Variants in LPAR3 observed in about 807,000 individuals in gnomAD.
LPAR3 encodes the protein lysophosphatidic acid receptor 3.
A neutral mutation model predicts 17.8 loss-of-function variants in LPAR3; 7 were observed. The observed-to-expected ratio is 0.39, with a 90% CI of 0.22 to 0.74. LPAR3 has a LOEUF of 0.74. Ranked by LOEUF, LPAR3 falls within the 30% of genes least tolerant of loss-of-function variation. The pLI is 0.40. For synonymous variants in LPAR3, 179 were observed against 179.9 expected, an observed-to-expected ratio of 0.99 and a Z score of 0.04; for missense variants, 391 against 453.4, an observed-to-expected ratio of 0.86 and a Z score of 1.25.
intron 2 of LPAR3, among the ~76,000 whole-genome samples, chr1:84,854,890 C>T (rs930908668): frequency 3.9e-5 from 6 of 152,302 alleles, no homozygotes; most frequent in South Asian, 4.2e-4. Context: ...GAGCTGCAGC[C>T]ACAATGCTGC....
intron 2 of LPAR3, among the ~76,000 whole-genome samples, chr1:84,855,285 A>G (rs1354939885): frequency 6.6e-6 from 1 of 152,220 alleles, no homozygotes; most frequent in Non-Finnish European, 1.5e-5. Context: ...GCCAGCACAC[A>G]CCATACTATT....
intron 2 of LPAR3, among the ~76,000 whole-genome samples, chr1:84,852,431 G>A (rs1484555072): frequency 6.6e-6 from 1 of 152,156 alleles, no homozygotes; most frequent in Non-Finnish European, 1.5e-5. Context: ...GGTGGTGAGA[G>A]AGATGGTACT....
intron 2 of LPAR3, among the ~76,000 whole-genome samples, chr1:84,847,366 G>T (rs1344614939): frequency 6.6e-6 from 1 of 152,222 alleles, no homozygotes; most frequent in Non-Finnish European, 1.5e-5. Flanking sequence ...CAGCATGTGT[G>T]TGTGGGAGTG....
chr1:84,878,789 G>A (rs539116685), intron 1 of LPAR3, among the ~76,000 whole-genome samples: 59 of 152,122 alleles, frequency 3.9e-4, no homozygotes, highest in Non-Finnish European at 7.5e-4. Context: ...TGGCAGGATG[G>A]TTTGGAACTG....
In LPAR3 at chr1:84,865,633, G is replaced by A. The variant is rs868775620; in HGVS notation, c.488C>T (p.Pro163Leu). ...WAIAIFMGAVPTLGWNCLCNI... is the reference protein window; with the variant it reads ...WAIAIFMGAVLTLGWNCLCNI... ...GCAGAGGCAATTCCAGCCCAGTGTG[G>A]GGACCGCCCCCATAAAAATGGCGAT... Residue 163 changes from proline (P) to leucine (L), a missense_variant, in exon 2 of 3, where the codon CCC (proline) becomes CTC (leucine). By Grantham distance (98) the Pro-to-Leu change is moderately conservative. Transcript: ENST00000370611. 3.1e-6 allele frequency: 5 copies of A among 1,614,022 alleles called. No individual in the cohort carries two copies. The Admixed American group carries it at 8.3e-5, about 27-fold the overall frequency.
At chr1:84,833,392 T>C (rs1659331042) in intron 2 of LPAR3, among the ~76,000 whole-genome samples, 1 of 152,218 alleles carries the variant, frequency 6.6e-6, no homozygotes. Flanking sequence ...TAATACTCCC[T>C]AAGCCTTGTT....
Position 84,812,294 on chromosome 1 carries a change from A to G in LPAR3, c.*1552T>C, listed in dbSNP as rs1658828684. On this transcript the variant is annotated 3_prime_UTR_variant, in exon 3 of 3. Coordinates refer to ENST00000370611, the MANE Select transcript of LPAR3 (RefSeq NM_012152.3). ...TTGTACAGCACAACAGATCATTGCT[A>G]CAGCTCTAGTCCTAGACTGGAAAGT... 1 of 152,196 alleles carries G rather than the reference A, an allele frequency of 6.6e-6. No individual in the cohort carries two copies. Among genetic ancestry groups the G allele is most frequent in the Non-Finnish European group, 1.5e-5 (1 of 68,044 alleles). The allele number at this position is 152,196 out of a possible 1,614,324, so 9.4% of individuals were successfully genotyped here. A position where few individuals can be genotyped will look rare whatever the true frequency, so the allele number is the denominator to read the frequency against.
At chr1:84,847,202 T>G (rs952984409) in intron 2 of LPAR3, among the ~76,000 whole-genome samples, 1 of 152,266 alleles carries the variant, frequency 6.6e-6, no homozygotes, top group Non-Finnish European at 1.5e-5. Context: ...TTAATGTATT[T>G]TAAATCCATT....
chr1:84,889,304 C>G (rs555143492), intron 1 of LPAR3, among the ~76,000 whole-genome samples: 5 of 152,216 alleles, frequency 3.3e-5, no homozygotes, highest in African/African-American at 1.2e-4. Flanking sequence ...GGGAGCAATG[C>G]CTTTGGTCAG....
At chr1:84,847,550 A>T (rs1659615379) in intron 2 of LPAR3, among the ~76,000 whole-genome samples, 1 of 152,218 alleles carries the variant, frequency 6.6e-6, no homozygotes, top group Non-Finnish European at 1.5e-5. Flanking sequence ...AAGCCCAGGA[A>T]GCAAGTCCAG....
chr1:84,811,905 C>A lies in LPAR3; in HGVS notation c.*1941G>T, dbSNP rs904842281. 1 of 152,092 alleles carries A rather than the reference C, an allele frequency of 6.6e-6. No individual in the cohort carries two copies. The highest frequency in any genetic ancestry group is 2.4e-5 in the African/African-American group (1 of 41,402). 9.4% of individuals were successfully genotyped at this position (152,092 alleles called of 1,614,324 possible). A position where few individuals can be genotyped will look rare whatever the true frequency, so the allele number is the denominator to read the frequency against. ...CACTCTAAATGTTTTACATAGAAAA[C>A]TCTCGTTGGTAGCCTGTGTGTATGA... On this transcript the variant is annotated 3_prime_UTR_variant, in exon 3 of 3. Transcript: ENST00000370611.
chr1:84,880,898 AG>A (rs1222884776), intron 1 of LPAR3, among the ~76,000 whole-genome samples: 1 of 152,140 alleles, frequency 6.6e-6, no homozygotes, highest in African/African-American at 2.4e-5. Context: ...CCACCCAGAG[AG>A]GGGAAGCATG....
Position 84,873,601 on chromosome 1 carries a change from GA to G in LPAR3, c.-18-7464del, listed in dbSNP as rs1471757944. ...TTGGATAAAGCGAATATGTTTATTA[GA>G]GGGGTGCTTGTTAAGGGTAGGGTTA... On this transcript the variant is annotated intron_variant, in intron 1 of 2. Coordinates refer to ENST00000370611, the MANE Select transcript of LPAR3 (RefSeq NM_012152.3). Among the ~76,000 whole-genome samples, 4 of 152,186 alleles carry G rather than the reference GA, an allele frequency of 2.6e-5. No individual in the cohort carries two copies. The East Asian group carries it at 7.7e-4, about 29-fold the overall frequency.
chr1:84,889,710 C>G (rs1174758082), intron 1 of LPAR3, among the ~76,000 whole-genome samples: 2 of 152,186 alleles, frequency 1.3e-5, no homozygotes, highest in East Asian at 3.9e-4. Flanking sequence ...AGCAGTGCCC[C>G]CTTAGCACTC....
rs202075237 is a variant in LPAR3 at position 84,813,602 on chromosome 1, CA to C, written c.*243del. ...CAGCTGGACTGACAGGAGCTCTGAG[CA>C]GTTCATAGGACAAGCAGGGACCCGC... On this transcript the variant is annotated 3_prime_UTR_variant, in exon 3 of 3. Coordinates refer to ENST00000370611, the MANE Select transcript of LPAR3 (RefSeq NM_012152.3). The C allele has an allele frequency of 9.2e-3, 4,062 of 442,654 alleles. 45 individuals carry two copies. Among genetic ancestry groups the C allele is most frequent in the South Asian group, 0.02 (557 of 27,234 alleles). The allele number at this position is 442,654 out of a possible 1,614,324, so 27.4% of individuals were successfully genotyped here. A position where few individuals can be genotyped will look rare whatever the true frequency, so the allele number is the denominator to read the frequency against.
chr1:84,885,719 G>A (rs1445251565), intron 1 of LPAR3, among the ~76,000 whole-genome samples: 3 of 152,212 alleles, frequency 2.0e-5, no homozygotes, highest in Non-Finnish European at 1.5e-5. Flanking sequence ...AGGCTAGCAG[G>A]CCTGGCAGCC....
At chr1:84,859,804 A>G (rs1297351605) in intron 2 of LPAR3, among the ~76,000 whole-genome samples, 2 of 152,234 alleles carry the variant, frequency 1.3e-5, no homozygotes, top group African/African-American at 2.4e-5. Flanking sequence ...GTATTTTAAG[A>G]CACTGCAAAA....
At chr1:84,824,491 T>C (rs1023516150) in intron 2 of LPAR3, among the ~76,000 whole-genome samples, 12 of 152,268 alleles carry the variant, frequency 7.9e-5, no homozygotes, top group African/African-American at 2.9e-4. Flanking sequence ...ATCCCCATTA[T>C]AGTAAAATGA....
chr1:84,862,143 A>G (rs1341266736), intron 2 of LPAR3, among the ~76,000 whole-genome samples: 1 of 152,258 alleles, frequency 6.6e-6, no homozygotes, highest in African/African-American at 2.4e-5. Flanking sequence ...TATGCCTACA[A>G]GTTAAGCAGG....
Sources: allele counts gnomAD v4.1 joint callset (sites outside exome capture counted in the v4.1 genomes callset), GRCh38; gene constraint gnomAD v4.1.1; transcripts MANE v1.5; gene names NCBI Gene and HGNC (gene_info 2026-07-23, HGNC 2026-07-21).